The following MARCHF1 variants were observed in gnomAD, a reference collection of about 807,000 sequenced individuals.
The protein encoded by MARCHF1 is membrane associated ring-CH-type finger 1.
In MARCHF1, 40 loss-of-function variants were observed where a neutral mutation model predicts 54.2. That is an observed-to-expected ratio of 0.74 (90% CI 0.57 to 0.96). The LOEUF is 0.96. MARCHF1 is among the 40% of genes least tolerant of loss of function. The probability of loss-of-function intolerance (pLI) is 0.00; values close to 1 mark genes in which losing one functional copy is unlikely to be tolerated. For synonymous variants in MARCHF1, 236 were observed against 236.3 expected (o/e 1.00, Z 0.01); for missense variants, 586 against 656.5 (o/e 0.89, Z 1.17).
chr4:163,859,368 T>G (rs1749858779), intron 3 of MARCHF1, among the ~76,000 whole-genome samples: 1 of 150,220 alleles, frequency 6.7e-6, no homozygotes, highest in African/African-American at 2.4e-5. Context: ...AGAAAAGCTT[T>G]TTTTTTTTTT....
intron 1 of MARCHF1, among the ~76,000 whole-genome samples, chr4:164,205,932 C>G: frequency 6.6e-6 from 1 of 152,096 alleles, no homozygotes; most frequent in East Asian, 1.9e-4. Context: ...TAAACTCAAA[C>G]TGCATTAACA....
At chr4:163,595,238 T>A (rs11100512) in intron 7 of MARCHF1, among the ~76,000 whole-genome samples, 1 of 136,822 alleles carries the variant, frequency 7.3e-6, no homozygotes. Flanking sequence ...TATAAGCCAG[T>A]GAGTGGCTCA....
At chr4:164,207,737 G>T (rs1374823024) in intron 1 of MARCHF1, among the ~76,000 whole-genome samples, 1 of 152,138 alleles carries the variant, frequency 6.6e-6, no homozygotes, top group Non-Finnish European at 1.5e-5. Context: ...CACTGGAGTT[G>T]GTTTGGGACC....
intron 3 of MARCHF1, among the ~76,000 whole-genome samples, chr4:163,891,475 T>C (rs1750659082): frequency 6.6e-6 from 1 of 152,196 alleles, no homozygotes; most frequent in South Asian, 2.1e-4. Context: ...CCATTTTTTT[T>C]TTCCGAATTA....
chr4:164,162,897 C>T (rs1730277636), intron 1 of MARCHF1, among the ~76,000 whole-genome samples: 1 of 152,034 alleles, frequency 6.6e-6, no homozygotes, highest in Admixed American at 6.6e-5. Flanking sequence ...GAAAATACAT[C>T]ATCTTTAAAT....
intron 1 of MARCHF1, among the ~76,000 whole-genome samples, chr4:164,138,118 ATTTATG>A (rs1262191107): frequency 6.6e-6 from 1 of 152,022 alleles, no homozygotes; most frequent in African/African-American, 2.4e-5. Context: ...GAGTGAGAGT[ATTTATG>A]TTTATAACAG....
intron 1 of MARCHF1, among the ~76,000 whole-genome samples, chr4:164,257,452 T>A (rs1329356230): frequency 1.3e-5 from 2 of 151,168 alleles, no homozygotes; most frequent in Non-Finnish European, 2.9e-5. Flanking sequence ...GTATGATAAA[T>A]CGTCAGTTTT....
At position 164,070,677 on chromosome 4, in the gene MARCHF1, G is replaced by T. The variant is rs997218832; in HGVS notation, c.-248+40911C>A. On this transcript the variant is annotated intron_variant, in intron 2 of 9. Transcript: ENST00000514618. ...ATTCATTTTGGAAGGATTTTTAAGG[G>T]GTATGAAGTGAATTCTCTTGCTACA... Among the ~76,000 whole-genome samples the T allele has an allele frequency of 3.9e-5, 6 of 152,124 alleles. No individual in the cohort carries two copies. The Middle Eastern group carries it at 0.014, about 345-fold the overall frequency.
At chr4:164,048,284 G>C (rs1754283956) in intron 2 of MARCHF1, among the ~76,000 whole-genome samples, 1 of 151,998 alleles carries the variant, frequency 6.6e-6, no homozygotes, top group African/African-American at 2.4e-5. Context: ...ACAAAGTGTA[G>C]CTCACTACAG....
intron 4 of MARCHF1, among the ~76,000 whole-genome samples, chr4:163,800,115 A>G (rs534118394): frequency 7.2e-5 from 11 of 152,174 alleles, no homozygotes; most frequent in Admixed American, 5.2e-4. Flanking sequence ...GATGGCAACA[A>G]TAGAAACTGG....
chr4:163,900,501 GATA>G (rs1750916450), intron 3 of MARCHF1, among the ~76,000 whole-genome samples: 1 of 152,100 alleles, frequency 6.6e-6, no homozygotes, highest in African/African-American at 2.4e-5. Flanking sequence ...AGTTGAGTTG[GATA>G]ATAAGTCTAA....
chr4:163,754,970 C>A (rs1285379016), intron 4 of MARCHF1, among the ~76,000 whole-genome samples: 1 of 152,076 alleles, frequency 6.6e-6, no homozygotes, highest in East Asian at 1.9e-4. Context: ...GTCTCACTAT[C>A]CATTTAAGTT....
chr4:164,203,615 CA>C (rs1161419128), intron 1 of MARCHF1, among the ~76,000 whole-genome samples: 1 of 151,852 alleles, frequency 6.6e-6, no homozygotes, highest in Non-Finnish European at 1.5e-5. Flanking sequence ...CACCCTGTGC[CA>C]AAAAAACAAA....
At position 163,525,266 on chromosome 4, in the gene MARCHF1, A is replaced by G. The variant is rs1477234511; in HGVS notation, c.*3482T>C. The G allele has an allele frequency of 6.6e-6, 1 of 152,114 alleles. No homozygotes were observed. Among genetic ancestry groups the G allele is most frequent in the East Asian group, 1.9e-4 (1 of 5,192 alleles). 9.4% of individuals were successfully genotyped at this position (152,114 alleles called of 1,614,324 possible). On this transcript the variant is annotated 3_prime_UTR_variant, in exon 10 of 10. Transcript: ENST00000514618. ...AATGAGCTAATTTTCCTGCCAAAGA[A>G]TAGATGTTTTAAAGAGTACCCAAGG...
At chr4:163,751,840 C>T (rs1426441215) in intron 4 of MARCHF1, among the ~76,000 whole-genome samples, 1 of 147,116 alleles carries the variant, frequency 6.8e-6, no homozygotes, top group Non-Finnish European at 1.5e-5. Context: ...TGAGGAAATT[C>T]CCCAGCTGTT....
intron 1 of MARCHF1, among the ~76,000 whole-genome samples, chr4:164,118,818 A>G (rs1317414916): frequency 6.6e-6 from 1 of 151,748 alleles, no homozygotes; most frequent in Non-Finnish European, 1.5e-5. Flanking sequence ...AAAACAGGTA[A>G]CAACAATTTA....
At chr4:163,631,409 T>A (rs1013527282) in intron 5 of MARCHF1, among the ~76,000 whole-genome samples, 1 of 152,136 alleles carries the variant, frequency 6.6e-6, no homozygotes, top group South Asian at 2.1e-4. Flanking sequence ...GCCAGGCTGG[T>A]CTTGAATTCC....
At chr4:163,886,704 A>G (rs902941085) in intron 3 of MARCHF1, among the ~76,000 whole-genome samples, 1 of 152,192 alleles carries the variant, frequency 6.6e-6, no homozygotes, top group Non-Finnish European at 1.5e-5. Flanking sequence ...AAAAAGGCAT[A>G]TAGCATTTTT....
Position 164,199,864 on chromosome 4 carries a change from C to CCTG in MARCHF1, c.-322-88205_-322-88203dup, listed in dbSNP as rs551677562. On this transcript the variant is annotated intron_variant, in intron 1 of 9. Transcript: ENST00000514618. ...ATATATGGGGCTCTGTGCCCTTGAA[C>CCTG]CTGCATATGTCTTCAGTCTTTGCTC... Among the ~76,000 whole-genome samples the CCTG allele has an allele frequency of 2.0e-4, 31 of 152,210 alleles. 1 individual carries two copies. Among genetic ancestry groups the CCTG allele is most frequent in the African/African-American group, 7.2e-4 (30 of 41,536 alleles).
Sources: allele counts gnomAD v4.1 joint callset (sites outside exome capture counted in the v4.1 genomes callset), GRCh38; gene constraint gnomAD v4.1.1; transcripts MANE v1.5; gene names NCBI Gene and HGNC (gene_info 2026-07-23, HGNC 2026-07-21).